PTBP2: variants seen among roughly 807,000 people sequenced by gnomAD.
PTBP2 encodes the protein polypyrimidine tract-binding protein 2.
PTBP2 carries 13 observed loss-of-function variants against 61.4 expected under a neutral mutation model. The observed-to-expected ratio is 0.21, with a 90% CI of 0.14 to 0.34. The LOEUF is 0.34. PTBP2 is among the 10% of genes least tolerant of loss of function. The pLI, the probability that PTBP2 is intolerant of heterozygous loss-of-function variation, is 1.00. For missense variants in PTBP2, 405 were observed against 642.6 expected (o/e 0.63, Z 4.00); for synonymous variants, 215 against 218.5 (o/e 0.98, Z 0.14).
intron 3 of PTBP2, among the ~76,000 whole-genome samples, chr1:96,757,422 A>G (rs1655284278): frequency 6.6e-6 from 1 of 152,238 alleles, no homozygotes; most frequent in Non-Finnish European, 1.5e-5. Context: ...TTGTATGCCA[A>G]TAATAACAAA....
At chr1:96,729,145 A>G (rs1382553179) in intron 2 of PTBP2, among the ~76,000 whole-genome samples, 1 of 151,978 alleles carries the variant, frequency 6.6e-6, no homozygotes, top group Non-Finnish European at 1.5e-5. Context: ...CCTCAGCCTC[A>G]TAAGTAGCTG....
chr1:96,757,936 A>T (rs535341943), intron 3 of PTBP2, among the ~76,000 whole-genome samples: 1 of 152,066 alleles, frequency 6.6e-6, no homozygotes, highest in Non-Finnish European at 1.5e-5. Flanking sequence ...TCAAATACCT[A>T]TATTACAAAA....
intron 5 of PTBP2, among the ~76,000 whole-genome samples, chr1:96,776,741 G>A (rs891637950): frequency 4.0e-5 from 6 of 151,418 alleles, no homozygotes; most frequent in Non-Finnish European, 7.4e-5. Flanking sequence ...TAACAGGAAA[G>A]GGATAATAGT....
rs753426327 is a variant in PTBP2 at position 96,746,852 on chromosome 1, C to CCT, written c.40-4572_40-4571insTC. ...GTCTGTCTGTCTCCCTCCCTCCCTC[C>CCT]CCCTCCCTCCGTCCGTCTGTCCCTC... On this transcript the variant is annotated intron_variant, in intron 2 of 13. Coordinates refer to ENST00000674951, the MANE Select transcript of PTBP2 (RefSeq NM_021190.4). Among the ~76,000 whole-genome samples, 18 of 87,144 alleles carry CCT rather than the reference C, an allele frequency of 2.1e-4. No individual in the cohort carries two copies. In the East Asian group the frequency reaches 4.1e-3, roughly 20 times the overall value. 57.2% of individuals were successfully genotyped at this position (87,144 alleles called of 152,430 possible).
At chr1:96,745,643 A>G (rs1468165719) in intron 2 of PTBP2, among the ~76,000 whole-genome samples, 2 of 152,106 alleles carry the variant, frequency 1.3e-5, no homozygotes, top group African/African-American at 4.8e-5. Context: ...TAATTCAATA[A>G]TGATTCTAAT....
At chr1:96,743,137 A>T (rs1185991377) in intron 2 of PTBP2, among the ~76,000 whole-genome samples, 5 of 152,074 alleles carry the variant, frequency 3.3e-5, no homozygotes, top group South Asian at 4.2e-4. Flanking sequence ...ATACGAAAAA[A>T]TTAGCCAGGC....
chr1:96,739,324 T>G (rs2100844960), intron 2 of PTBP2, among the ~76,000 whole-genome samples: 1 of 152,254 alleles, frequency 6.6e-6, no homozygotes, highest in Non-Finnish European at 1.5e-5. Flanking sequence ...CACATAAAAT[T>G]TACTATCTTA....
At chr1:96,770,050 A>G (rs1278147799) in intron 4 of PTBP2, among the ~76,000 whole-genome samples, 175 bp downstream of exon 4, 1 of 152,068 alleles carries the variant, frequency 6.6e-6, no homozygotes, top group Non-Finnish European at 1.5e-5. Flanking sequence ...AAGTGAGTGA[A>G]TCACTATAGT....
intron 8 of PTBP2, among the ~76,000 whole-genome samples, chr1:96,794,638 A>G (rs897900835): frequency 6.6e-6 from 1 of 152,196 alleles, no homozygotes; most frequent in Non-Finnish European, 1.5e-5. Flanking sequence ...TTAGAGATTC[A>G]GAAGAGTAAC....
chr1:96,778,011 A>G, intron 7 of PTBP2, 65 bp downstream of exon 7: 1 of 777,424 alleles, frequency 1.3e-6, no homozygotes, highest in Non-Finnish European at 2.0e-6. Context: ...AAATATATAT[A>G]TATGTATGTA....
intron 3 of PTBP2, among the ~76,000 whole-genome samples, chr1:96,759,405 C>T (rs114276442): frequency 0.019 from 2,903 of 152,228 alleles, 96 homozygotes; most frequent in African/African-American, 0.066. Context: ...CACAGAATAG[C>T]GTTCAGGGAA....
At chr1:96,723,623 AT>A in intron 2 of PTBP2, 29 bp downstream of exon 2, 1 of 1,548,080 alleles carries the variant, frequency 6.5e-7, no homozygotes, top group Non-Finnish European at 8.8e-7. Flanking sequence ...TGAAACTGGG[AT>A]TGTTGGATCT....
chr1:96,787,486 A>G (rs1659339170), intron 8 of PTBP2, among the ~76,000 whole-genome samples: 1 of 152,190 alleles, frequency 6.6e-6, no homozygotes, highest in Admixed American at 6.5e-5. Flanking sequence ...AGAAAAAGGA[A>G]AAAGTGTTTA....
chr1:96,754,698 C>A (rs1654960523), intron 3 of PTBP2, among the ~76,000 whole-genome samples: 1 of 152,074 alleles, frequency 6.6e-6, no homozygotes, highest in South Asian at 2.1e-4. Context: ...CAGAAGTTAA[C>A]TCACACAATT....
intron 3 of PTBP2, among the ~76,000 whole-genome samples, chr1:96,759,242 T>C (rs928337873): frequency 7.2e-5 from 11 of 152,216 alleles, no homozygotes; most frequent in Non-Finnish European, 1.6e-4. Context: ...TAAAGACTTA[T>C]AAATTGAGAG....
At position 96,725,301 on chromosome 1, in the gene PTBP2, G is replaced by GTTT. The variant is rs34309895; in HGVS notation, c.39+1723_39+1725dup. Among the ~76,000 whole-genome samples, 69 of 135,846 alleles carry GTTT rather than the reference G, an allele frequency of 5.1e-4. 2 individuals are homozygous for GTTT. In the East Asian group the frequency reaches 9.7e-3, roughly 19 times the overall value. 89.1% of individuals were successfully genotyped at this position (135,846 alleles called of 152,430 possible). On this transcript the variant is annotated intron_variant, in intron 2 of 13. Coordinates refer to ENST00000674951, the MANE Select transcript of PTBP2 (RefSeq NM_021190.4). ...CAGGTGTAATGTATTGGTTACACCAGTTTTTTTTTTTTTTTTTTGAGACAG... is the reference window on the plus strand; with the variant it reads ...CAGGTGTAATGTATTGGTTACACCAGTTTTTTTTTTTTTTTTTTTTTGAGACAG...
chr1:96,770,899 A>T, intron 5 of PTBP2, 48 bp downstream of exon 5: 1 of 1,446,454 alleles, frequency 6.9e-7, no homozygotes, highest in Non-Finnish European at 9.7e-7. Flanking sequence ...ACATATTATG[A>T]ATCTCATAAA....
chr1:96,761,598 A>G (rs1174875801), intron 3 of PTBP2, among the ~76,000 whole-genome samples: 3 of 152,122 alleles, frequency 2.0e-5, no homozygotes, highest in Non-Finnish European at 4.4e-5. Flanking sequence ...CAAGTTTGGA[A>G]TAATATTAAA....
intron 2 of PTBP2, among the ~76,000 whole-genome samples, chr1:96,727,530 C>T (rs1650745372): frequency 1.3e-5 from 2 of 152,054 alleles, no homozygotes; most frequent in Admixed American, 1.3e-4. Context: ...ATGAAATTTC[C>T]AGTCCTTCCA....
Sources: allele counts gnomAD v4.1 joint callset (sites outside exome capture counted in the v4.1 genomes callset), GRCh38; gene constraint gnomAD v4.1.1; transcripts MANE v1.5; gene names NCBI Gene and HGNC (gene_info 2026-07-23, HGNC 2026-07-21).